SLCO1B3: variants seen among roughly 807,000 people sequenced by gnomAD.
SLCO1B3 encodes solute carrier organic anion transporter family member 1B3.
SLCO1B3 carries 72 observed loss-of-function variants against 71.8 expected under a neutral mutation model. The ratio of observed to expected loss-of-function variants is 1.00; its 90% CI spans 0.83 to 1.22. The LOEUF (loss-of-function observed/expected upper bound fraction) is 1.22, where lower values mean the gene tolerates loss of function less well. SLCO1B3 is among the 50% of genes most tolerant of loss of function. The pLI, the probability that SLCO1B3 is intolerant of heterozygous loss-of-function variation, is 0.00. For synonymous variants in SLCO1B3, 298 were observed against 278.4 expected (o/e 1.07, Z -0.70); for missense variants, 911 against 819.7 (o/e 1.11, Z -1.36).
At position 20,887,034 on chromosome 12, in the gene SLCO1B3, A is replaced by G. The variant is rs571044210; in HGVS notation, c.1682+3432A>G. Among the ~76,000 whole-genome samples the G allele has an allele frequency of 1.1e-4, 17 of 151,988 alleles. 1 individual carries two copies. Among genetic ancestry groups the G allele is most frequent in the Non-Finnish European group, 2.4e-4 (16 of 67,916 alleles). ...GGCCTCCATTTCTATCCACATTGCTATAAAATACATGATTTCACTTTTTAA... is the reference window on the plus strand; with the variant it reads ...GGCCTCCATTTCTATCCACATTGCTGTAAAATACATGATTTCACTTTTTAA... On this transcript the variant is annotated intron_variant, in intron 13 of 15. Coordinates refer to ENST00000381545, the MANE Select transcript of SLCO1B3 (RefSeq NM_019844.4).
At chr12:20,844,293 G>T (rs571552403) in intron 3 of SLCO1B3, among the ~76,000 whole-genome samples, 5 of 151,878 alleles carry the variant, frequency 3.3e-5, no homozygotes, top group Non-Finnish European at 1.5e-5. Flanking sequence ...CTGGCCAGGC[G>T]CAGTGGCTCC....
intron 2 of SLCO1B3, among the ~76,000 whole-genome samples, chr12:20,815,212 C>T (rs1163456999): frequency 1.3e-5 from 2 of 151,920 alleles, no homozygotes; most frequent in Non-Finnish European, 1.5e-5. Flanking sequence ...TGAGGCTATC[C>T]TAATCATTAT....
chr12:20,860,599 T>TGTGTGTGTGTGTGTGTGTGTG (rs1555156228), intron 5 of SLCO1B3, among the ~76,000 whole-genome samples: 36 of 146,636 alleles, frequency 2.5e-4, no homozygotes, highest in African/African-American at 8.6e-4. Context: ...GTCAAGCACT[T>TGTGTGTGTGTGTGTGTGTGTG]TGTGTGTGTG....
chr12:20,898,664 A>T (rs187824400), intron 14 of SLCO1B3, among the ~76,000 whole-genome samples, 164 bp downstream of exon 14: 2 of 152,194 alleles, frequency 1.3e-5, no homozygotes, highest in African/African-American at 2.4e-5. Flanking sequence ...GGGAAAATTG[A>T]GTGGTCTAAA....
intron 3 of SLCO1B3, among the ~76,000 whole-genome samples, chr12:20,825,416 T>C (rs1418628659): frequency 2.0e-5 from 3 of 152,150 alleles, no homozygotes; most frequent in Non-Finnish European, 4.4e-5. Context: ...TTCCTGGGTC[T>C]GAAGATGAGG....
chr12:20,858,686 T>TA (rs1865192320), intron 5 of SLCO1B3, 115 bp downstream of exon 5: 1 of 908,626 alleles, frequency 1.1e-6, no homozygotes, highest in Non-Finnish European at 1.7e-6. Context: ...TACCTATAGG[T>TA]ATGCATAGAG....
intron 8 of SLCO1B3, among the ~76,000 whole-genome samples, chr12:20,873,468 A>T (rs1449348902): frequency 1.3e-5 from 2 of 152,134 alleles, no homozygotes; most frequent in Non-Finnish European, 2.9e-5. Flanking sequence ...GGTGTCTGGC[A>T]TATGCTGGGT....
chr12:20,833,823 C>T (rs1388439876), intron 3 of SLCO1B3, among the ~76,000 whole-genome samples: 2 of 146,702 alleles, frequency 1.4e-5, no homozygotes, highest in Non-Finnish European at 3.0e-5. Context: ...TCTATATATG[C>T]ACACACACAG....
At position 20,880,543 on chromosome 12, in the gene SLCO1B3, C is replaced by G. The variant is rs916604211; in HGVS notation, c.1332-312C>G. The stretch of plus-strand genomic sequence containing the variant: ...AGTTTCATTGATAGAATGATAAAGA[C>G]CTCTTGTCTAAGTCTTATCTAACCT... On this transcript the variant is annotated intron_variant, in intron 11 of 15. Coordinates refer to ENST00000381545, the MANE Select transcript of SLCO1B3 (RefSeq NM_019844.4). 1.3e-4 allele frequency among the ~76,000 whole-genome samples: 19 copies of G among 151,356 alleles called. 1 individual carries two copies. The highest frequency in any genetic ancestry group is 1.2e-3 in the Admixed American group (19 of 15,210).
intron 8 of SLCO1B3, among the ~76,000 whole-genome samples, chr12:20,869,240 C>T (rs1865432835): frequency 6.6e-6 from 1 of 152,158 alleles, no homozygotes; most frequent in East Asian, 1.9e-4. Context: ...GGGCGTCTTC[C>T]CAGACACTGG....
Position 20,916,033 on chromosome 12 carries a change from T to G in SLCO1B3, c.1895T>G (p.Leu632Ter). Residue 632 changes from leucine to a stop codon, truncating the protein, a stop_gained, in exon 16 of 16, where the codon TTA (leucine) becomes TGA (stop). Coordinates refer to ENST00000381545, the MANE Select transcript of SLCO1B3 (RefSeq NM_019844.4). LOFTEE classifies it high-confidence loss of function. ...GTCTACTTGGGCTTATCTATAGCTT[T>G]AAGATTCCCAGCACTTGTTTTATAT... ...GRVYLGLSIA[L>*]RFPALVLYIV... 6.2e-7 allele frequency: 1 copy of G among 1,609,814 alleles called. No homozygotes were observed. The highest frequency in any genetic ancestry group is 8.5e-7 in the Non-Finnish European group (1 of 1,176,652).
chr12:20,899,111 A>G (rs1235311833), intron 14 of SLCO1B3, among the ~76,000 whole-genome samples: 1 of 152,218 alleles, frequency 6.6e-6, no homozygotes, highest in East Asian at 1.9e-4. Flanking sequence ...TTATGGTGGC[A>G]AGGGTAGGAT....
At chr12:20,838,328 A>G (rs1406506663) in intron 3 of SLCO1B3, among the ~76,000 whole-genome samples, 3 of 151,686 alleles carry the variant, frequency 2.0e-5, no homozygotes, top group African/African-American at 7.3e-5. Context: ...ATTTACTTTT[A>G]TTCTATATGT....
At chr12:20,882,823 T>C (rs1203173323) in intron 12 of SLCO1B3, among the ~76,000 whole-genome samples, 2 of 152,326 alleles carry the variant, frequency 1.3e-5, no homozygotes, top group Non-Finnish European at 2.9e-5. Context: ...CCACATACAC[T>C]GCCTGCCTGA....
intron 3 of SLCO1B3, among the ~76,000 whole-genome samples, chr12:20,836,088 A>T (rs888493763): frequency 5.9e-5 from 9 of 152,188 alleles, no homozygotes; most frequent in Non-Finnish European, 1.2e-4. Flanking sequence ...TAAAATAATC[A>T]GATCTTGTGA....
At chr12:20,912,168 T>C (rs557365406) in intron 15 of SLCO1B3, among the ~76,000 whole-genome samples, 59 of 152,146 alleles carry the variant, frequency 3.9e-4, no homozygotes, top group African/African-American at 1.4e-3. Flanking sequence ...AGAAGTGTAT[T>C]GCTTAATCTT....
chr12:20,872,106 G>T (rs1053380376), intron 8 of SLCO1B3, among the ~76,000 whole-genome samples: 2 of 151,956 alleles, frequency 1.3e-5, no homozygotes, highest in African/African-American at 4.8e-5. Flanking sequence ...ACAGCACAAA[G>T]TTCTTCTTGC....
chr12:20,854,498 ATATGAT>A (rs1865092155), intron 3 of SLCO1B3, among the ~76,000 whole-genome samples: 1 of 152,082 alleles, frequency 6.6e-6, no homozygotes, highest in Admixed American at 6.6e-5. Context: ...AGTTTTTCTG[ATATGAT>A]TATGGACATA....
At chr12:20,856,573 G>GT (rs1289244526) in intron 4 of SLCO1B3, among the ~76,000 whole-genome samples, 1 of 152,048 alleles carries the variant, frequency 6.6e-6, no homozygotes, top group Non-Finnish European at 1.5e-5. Context: ...GTTTGTTTTT[G>GT]TTTTTCAAGG....
Sources: gnomAD v4.1 joint callset for allele counts (sites outside exome capture counted in the v4.1 genomes callset) on GRCh38, gnomAD v4.1.1 for gene constraint, MANE v1.5 for transcripts, NCBI Gene and HGNC (gene_info 2026-07-23, HGNC 2026-07-21) for gene names.